The following ANXA4 variants were observed in gnomAD, a reference collection of about 807,000 sequenced individuals.
ANXA4 encodes the protein 35-beta calcimedin.
Under a neutral mutation model 49.8 loss-of-function variants are expected in ANXA4, and 39 were observed. The ratio of observed to expected loss-of-function variants is 0.78; its 90% CI spans 0.61 to 1.02. The LOEUF (loss-of-function observed/expected upper bound fraction) is 1.02. Ranked by LOEUF, ANXA4 falls within the 50% of genes least tolerant of loss-of-function variation. ANXA4 has a pLI of 0.00. For synonymous variants in ANXA4, 134 were observed against 152.5 expected, an observed-to-expected ratio of 0.88 and a Z score of 0.89; for missense variants, 360 against 410.1, an observed-to-expected ratio of 0.88 and a Z score of 1.05.
chr2:69,685,721 G>A (rs1384637271), intron 2 of ANXA4, among the ~76,000 whole-genome samples: 7 of 152,180 alleles, frequency 4.6e-5, no homozygotes, highest in African/African-American at 9.6e-5. Flanking sequence ...TTGCTTTAAC[G>A]GTAACTAAGA....
At chr2:69,677,329 G>A (rs540817876) in intron 2 of ANXA4, among the ~76,000 whole-genome samples, 101 of 152,010 alleles carry the variant, frequency 6.6e-4, no homozygotes, top group African/African-American at 2.3e-3. Context: ...TCCTGGGTTC[G>A]AGTGGTTCTC....
At chr2:69,681,563 C>G (rs575081404) in intron 2 of ANXA4, among the ~76,000 whole-genome samples, 1 of 152,158 alleles carries the variant, frequency 6.6e-6, no homozygotes, top group African/African-American at 2.4e-5. Flanking sequence ...TGGGGTTTCA[C>G]CATGTTGGTC....
In ANXA4 at chr2:69,819,323, C is replaced by G. The variant is rs147130304; in HGVS notation, c.768C>G (p.Leu256=). The G allele has an allele frequency of 6.2e-6, 10 of 1,607,692 alleles. No individual in the cohort carries two copies. Among genetic ancestry groups the G allele is most frequent in the African/African-American group, 1.3e-5 (1 of 74,866 alleles). The stretch of plus-strand genomic sequence containing the variant: ...AATCTGCATATTTTGCTGAAAAGCT[C>G]TATAAATCGATGAAGGTAAATGGCC... ...RNKSAYFAEK[L]YKSMKGLGTD... Residue 256 remains leucine (L), a synonymous_variant, in exon 11 of 13, where the codon CTC becomes CTG. Coordinates refer to ENST00000394295, the MANE Select transcript of ANXA4 (RefSeq NM_001153.5).
chr2:69,671,586 A>G (rs1308543900), intron 2 of ANXA4, among the ~76,000 whole-genome samples: 1 of 152,196 alleles, frequency 6.6e-6, no homozygotes. Flanking sequence ...AACCAGGTGT[A>G]GTGGCGCATG....
intron 1 of ANXA4, among the ~76,000 whole-genome samples, chr2:69,770,722 CACACACACATGCAA>C (rs988398934): frequency 2.6e-5 from 4 of 152,164 alleles, no homozygotes; most frequent in African/African-American, 7.2e-5. Context: ...AACCTGTACG[CACACACACATGCAA>C]ACACACACGT....
chr2:69,729,420 C>G (rs956503478), intron 3 of ANXA4, among the ~76,000 whole-genome samples: 1 of 152,178 alleles, frequency 6.6e-6, no homozygotes, highest in African/African-American at 2.4e-5. Flanking sequence ...CATGACTACA[C>G]GAGAAGAGAG....
chr2:69,647,424 T>A (rs866632510), intron 1 of ANXA4, among the ~76,000 whole-genome samples: 2 of 104,168 alleles, frequency 1.9e-5, no homozygotes, highest in African/African-American at 4.1e-5. Flanking sequence ...TTATTTATTT[T>A]TTGAGACAGA....
chr2:69,792,966 T>A (rs1672757408), intron 3 of ANXA4, among the ~76,000 whole-genome samples: 1 of 152,168 alleles, frequency 6.6e-6, no homozygotes, highest in Non-Finnish European at 1.5e-5. Flanking sequence ...AAAGAAGTAG[T>A]TTTATGGCCA....
chr2:69,816,665 ATGTTTCTAATT>A (rs1300416921), intron 9 of ANXA4: 1 of 152,540 alleles, frequency 6.6e-6, no homozygotes, highest in East Asian at 1.9e-4. Flanking sequence ...CAAATTTGAT[ATGTTTCTAATT>A]TGTTTCTGAT....
At chr2:69,727,149 T>C (rs112673382) in intron 3 of ANXA4, among the ~76,000 whole-genome samples, 11,295 of 152,268 alleles carry the variant, frequency 0.074, 1,242 homozygotes, top group African/African-American at 0.24. Context: ...TCTGGGATTA[T>C]AGGCATGAGC....
chr2:69,685,767 T>C (rs1236271067), intron 2 of ANXA4, among the ~76,000 whole-genome samples: 1 of 152,208 alleles, frequency 6.6e-6, no homozygotes, highest in Non-Finnish European at 1.5e-5. Context: ...TGTAACGTGG[T>C]TGCCAAAAAA....
At chr2:69,816,277 CT>C in intron 9 of ANXA4, 83 bp downstream of exon 9, 1 of 1,130,784 alleles carries the variant, frequency 8.8e-7, no homozygotes, top group Non-Finnish European at 1.3e-6. Flanking sequence ...GATAACCTTC[CT>C]CCTTCAGTTG....
At chr2:69,688,720 T>G (rs550738321) in intron 2 of ANXA4, among the ~76,000 whole-genome samples, 1 of 152,360 alleles carries the variant, frequency 6.6e-6, no homozygotes, top group East Asian at 1.9e-4. Flanking sequence ...AAATATTTGA[T>G]GTGTTTTAAT....
chr2:69,644,165 T>TTCGCGCCCCCCCCCCCC (rs1553424953), upstream of ANXA4, among the ~76,000 whole-genome samples: 3 of 21,116 alleles, frequency 1.4e-4, 1 homozygote, highest in African/African-American at 5.1e-4. Flanking sequence ...ACAACTAAGT[T>TTCGCGCCCCCCCCCCCC]CCCCCCCCCC....
chr2:69,703,379 C>T (rs1234449664), intron 2 of ANXA4, among the ~76,000 whole-genome samples: 1 of 151,946 alleles, frequency 6.6e-6, no homozygotes, highest in East Asian at 1.9e-4. Flanking sequence ...TTTTCATCAC[C>T]CCCAAAAGAA....
intron 1 of ANXA4, among the ~76,000 whole-genome samples, chr2:69,744,674 C>T (rs771403438): frequency 5.3e-5 from 8 of 152,154 alleles, no homozygotes; most frequent in African/African-American, 1.4e-4. Flanking sequence ...GGGTTATTAA[C>T]GTTGGTTTAC....
intron 1 of ANXA4, among the ~76,000 whole-genome samples, chr2:69,747,955 C>T (rs1296227584): frequency 6.6e-6 from 1 of 152,108 alleles, no homozygotes; most frequent in Non-Finnish European, 1.5e-5. Context: ...GCTGGGATTA[C>T]AGGCATGAAC....
At chr2:69,666,915 GCA>G (rs781193626) in intron 2 of ANXA4, among the ~76,000 whole-genome samples, 223 of 152,182 alleles carry the variant, frequency 1.5e-3, no homozygotes, top group Non-Finnish European at 2.7e-3. Flanking sequence ...GCGTGTTGGT[GCA>G]CACCTGTAGT....
intron 3 of ANXA4, among the ~76,000 whole-genome samples, chr2:69,802,844 C>T (rs1276937279): frequency 1.3e-5 from 2 of 152,062 alleles, no homozygotes; most frequent in African/African-American, 4.8e-5. Context: ...ACACCCCCTC[C>T]TAGCTGAGAG....
Sources: allele counts gnomAD v4.1 joint callset (sites outside exome capture counted in the v4.1 genomes callset), GRCh38; gene constraint gnomAD v4.1.1; transcripts MANE v1.5; gene names NCBI Gene and HGNC (gene_info 2026-07-23, HGNC 2026-07-21).